Variants in TAOK2 observed in about 807,000 individuals in gnomAD.
TAOK2 encodes the protein TAO kinase 2.
In TAOK2, 42 loss-of-function variants were observed where a neutral mutation model predicts 122.5. The observed-to-expected ratio is 0.34, with a 90% CI of 0.27 to 0.44. The LOEUF (loss-of-function observed/expected upper bound fraction) is 0.44. TAOK2 is among the 20% of genes least tolerant of loss of function. TAOK2 has a pLI of 1.00. For synonymous variants in TAOK2, 704 were observed against 677.6 expected (o/e 1.04, Z -0.61); for missense variants, 1,264 against 1,644.9 (o/e 0.77, Z 4.01).
In TAOK2 at chr16:29,985,393, T is replaced by C. The variant is rs765828326; in HGVS notation, c.1603T>C (p.Phe535Leu). 3.7e-6 allele frequency: 6 copies of C among 1,609,350 alleles called. No homozygotes were observed. In the African/African-American group the frequency reaches 4.0e-5, roughly 11 times the overall value. Residue 535 changes from phenylalanine (F) to leucine (L), a missense_variant, in exon 14 of 16, where the codon TTT becomes CTT. This residue lies in a region of TAOK2 where 64 missense variants were observed against 115.7 expected (regional missense o/e 0.55). Coordinates refer to ENST00000308893, the MANE Select transcript of TAOK2 (RefSeq NM_016151.4). The surrounding 1 kb of genome is among the most constrained non-coding windows in gnomAD (Gnocchi z 6.9). ...QRELEAQRAG[F>L]GAEAEKLARR... ...GGAGCTTGAGGCGCAGCGGGCTGGC[T>C]TTGGGGCAGAGGCAGAAAAGCTGGC...
chr16:29,981,401 G>C lies in TAOK2; in HGVS notation c.656-260G>C. 3 of 602,986 alleles carry C rather than the reference G, an allele frequency of 5.0e-6. No homozygotes were observed. In the East Asian group the frequency reaches 8.3e-5, roughly 17 times the overall value. 37.4% of individuals were successfully genotyped at this position (602,986 alleles called of 1,614,324 possible). On this transcript the variant is annotated intron_variant, in intron 8 of 15. Transcript: ENST00000308893. ...TAGTTGGGGTGATAACTGAATGGCT[G>C]TCCTTCTGCCTTCGTTACTGCTTTT...
At chr16:29,989,812 C>A (rs1327366208), downstream of TAOK2, 4 of 1,612,488 alleles carry the variant, frequency 2.5e-6, no homozygotes, top group African/African-American at 5.3e-5. Flanking sequence ...GGCGGTGAGG[C>A]CTGGGGTCCA....
rs765912677 is a variant in TAOK2 at position 29,986,694 on chromosome 16, A to C, written c.2422A>C (p.Thr808Pro). The stretch of plus-strand genomic sequence containing the variant: ...AAGGATTCTGGGAAAGGAAGGGGCC[A>C]CTTTGGAGCCCAAGCAGCAGAGGAT... Reference protein sequence around the residue: ...ERRILGKEGATLEPKQQRILG... With the variant: ...ERRILGKEGAPLEPKQQRILG... The change falls in exon 16 of 16, where the codon ACT becomes CCT. Residue 808 changes from threonine (T) to proline (P), a missense_variant. Around this residue, in one of 4 missense-constraint regions of TAOK2, gnomAD observed 824 missense variants for 908.7 expected, o/e 0.91. Transcript: ENST00000308893. The surrounding 1 kb of genome is among the most constrained non-coding windows in gnomAD (Gnocchi z 4.2). 3.1e-6 allele frequency: 5 copies of C among 1,613,816 alleles called. No individual in the cohort carries two copies. Among genetic ancestry groups the C allele is most frequent in the Non-Finnish European group, 3.4e-6 (4 of 1,179,884 alleles).
At position 29,985,421 on chromosome 16, in the gene TAOK2, G is replaced by A. The variant is rs771339219; in HGVS notation, c.1631G>A (p.Arg544Gln). 24 of 1,608,474 alleles carry A rather than the reference G, an allele frequency of 1.5e-5. No individual in the cohort carries two copies. The highest frequency in any genetic ancestry group is 2.2e-5 in the South Asian group (2 of 90,610). The change falls in exon 14 of 16, where the codon CGG becomes CAG. Residue 544 changes from arginine (R) to glutamine (Q), a missense_variant. Physicochemically the swap from Arg to Gln is conservative, Grantham distance 43. Around this residue, in one of 4 missense-constraint regions of TAOK2, gnomAD observed 64 missense variants for 115.7 expected, o/e 0.55. Transcript: ENST00000308893. The surrounding 1 kb of genome is among the most constrained non-coding windows in gnomAD (Gnocchi z 6.9). ...GFGAEAEKLA[R>Q]RHQAIGEKEA... is the part of the protein sequence containing the mutation. ...GGGGCAGAGGCAGAAAAGCTGGCCC[G>A]GCGGCACCAGGCCATAGGTGAGAAG...
At chr16:29,984,216 C>A (rs973498214) in intron 13 of TAOK2, among the ~76,000 whole-genome samples, 3 of 152,214 alleles carry the variant, frequency 2.0e-5, no homozygotes, top group South Asian at 2.1e-4. Context: ...TCCCAGCCCC[C>A]CTGGGAGGGG....
At position 29,987,438 on chromosome 16, in the gene TAOK2, C is replaced by T; in HGVS notation, c.3166C>T (p.Leu1056=). The change falls in exon 16 of 16, where the codon CTA becomes TTA. Residue 1056 remains leucine, a synonymous_variant. Coordinates refer to ENST00000308893, the MANE Select transcript of TAOK2 (RefSeq NM_016151.4). ...GAAWLLAWPG[L]ALPLVAMAAG... is the part of the protein sequence containing the mutation. ...TGCCTGGCTCTTAGCTTGGCCAGGC[C>T]TAGCTCTACCTCTGGTGGCTATGGC... The T allele has an allele frequency of 6.2e-7, 1 of 1,601,890 alleles. No individual in the cohort carries two copies. Among genetic ancestry groups the T allele is most frequent in the East Asian group, 2.2e-5 (1 of 44,636 alleles).
At chr16:29,980,592 G>A (rs1567240700) in intron 8 of TAOK2, 1 of 152,096 alleles carries the variant, frequency 6.6e-6, no homozygotes. Flanking sequence ...GGTTCGTATT[G>A]GGTCCTCTGC....
At chr16:29,991,128 G>A (rs141884131), downstream of TAOK2, 10 of 1,608,032 alleles carry the variant, frequency 6.2e-6, no homozygotes, top group East Asian at 2.2e-5. The surrounding 1 kb of genome is among the most constrained non-coding windows in gnomAD (Gnocchi z 5.6). Context: ...CCGTGAGATC[G>A]AGGCCTTCGA....
rs1350911264 is a variant in TAOK2 at position 29,981,928 on chromosome 16, G to A, written c.819G>A (p.Glu273=). ...TCCCTCAAGACAGACCAACCTCAGA[G>A]GTTCTCCTGAAGGTGAGGGCCTGCT... ...QKIPQDRPTS[E]VLLKHRFVLR... Residue 273 remains glutamate, a synonymous_variant, in exon 10 of 16, where the codon GAG becomes GAA. Coordinates refer to ENST00000308893, the MANE Select transcript of TAOK2 (RefSeq NM_016151.4). 1.2e-6 allele frequency: 2 copies of A among 1,613,546 alleles called. No individual in the cohort carries two copies. The highest frequency in any genetic ancestry group is 1.7e-6 in the Non-Finnish European group (2 of 1,179,824).
intron 13 of TAOK2, among the ~76,000 whole-genome samples, chr16:29,984,070 C>G (rs1416292865): frequency 1.3e-5 from 2 of 152,196 alleles, no homozygotes; most frequent in Non-Finnish European, 2.9e-5. Context: ...CGGGGGTGCC[C>G]TGTGCTTGGG....
At chr16:29,990,452 C>A (rs938507355), downstream of TAOK2, 2 of 209,814 alleles carry the variant, frequency 9.5e-6, no homozygotes, top group Non-Finnish European at 1.9e-5. Context: ...CCTGTCAGTA[C>A]ACCTGTCTCA....
Position 29,983,263 on chromosome 16 carries a change from G to C in TAOK2, c.1191G>C (p.Arg397=). ...EEEEEEGPEA[R]EMAMMQEGEH... ...AGGAGGAAGAAGGCCCTGAAGCCCGGGAGATGGCCATGATGCAGGAGGGGG... is the reference window on the plus strand; with the variant it reads ...AGGAGGAAGAAGGCCCTGAAGCCCGCGAGATGGCCATGATGCAGGAGGGGG... Residue 397 remains arginine (R), a synonymous_variant, in exon 12 of 16, where the codon CGG becomes CGC. Transcript: ENST00000308893. The C allele has an allele frequency of 6.2e-7, 1 of 1,608,160 alleles. No individual in the cohort carries two copies. The highest frequency in any genetic ancestry group is 8.5e-7 in the Non-Finnish European group (1 of 1,179,932).
downstream of TAOK2, chr16:29,989,546 C>A (rs372323337): frequency 6.2e-7 from 1 of 1,609,484 alleles, no homozygotes; most frequent in East Asian, 2.2e-5. Context: ...TCTTCCTCCT[C>A]CTCTTCCCCG....
rs1158375732 is a variant in TAOK2, at chr16:29,986,196, C to T, written c.1993-69C>T. ...TTCCGCCATCCCCAGCTCCCTCTGC[C>T]AAGGAGCCCTGGCCTCTCACTTCCT... On this transcript the variant is annotated intron_variant, in intron 15 of 15. Transcript: ENST00000308893. This position sits in a 1 kb window ranked among gnomAD's most constrained non-coding sequence, Gnocchi z 4.2. The T allele has an allele frequency of 6.7e-7, 1 of 1,501,126 alleles. No individual in the cohort carries two copies. Among genetic ancestry groups the T allele is most frequent in the Non-Finnish European group, 8.9e-7 (1 of 1,126,654 alleles). 93.0% of individuals were successfully genotyped at this position (1,501,126 alleles called of 1,614,324 possible).
downstream of TAOK2, chr16:29,990,494 T>C: frequency 3.8e-6 from 1 of 261,288 alleles, no homozygotes. Flanking sequence ...TTCCATGGTA[T>C]GGCTGTACCA....
At chr16:29,988,605 A>T (rs911958924), downstream of TAOK2, 1 of 985,308 alleles carries the variant, frequency 1.0e-6, no homozygotes, top group Non-Finnish European at 1.2e-6. Context: ...GCCCCTGTAG[A>T]ACTTCACCGA....
At position 29,981,846 on chromosome 16, in the gene TAOK2, CT is replaced by C; in HGVS notation, c.750-12del. 1.2e-6 allele frequency: 2 copies of C among 1,613,580 alleles called. No individual in the cohort carries two copies. The highest frequency in any genetic ancestry group is 1.7e-6 in the Non-Finnish European group (2 of 1,179,510). The stretch of plus-strand genomic sequence containing the variant: ...CCTTCCCCACCCCTCTCCCACCCTC[CT>C]GTGACTTTCAGGTCTGAGTACTTCC... On this transcript the variant is annotated splice_polypyrimidine_tract_variant and intron_variant, in intron 9 of 15. Coordinates refer to ENST00000308893, the MANE Select transcript of TAOK2 (RefSeq NM_016151.4).
At chr16:29,977,380 C>T (rs1002576233) in intron 1 of TAOK2, among the ~76,000 whole-genome samples, 2 of 152,158 alleles carry the variant, frequency 1.3e-5, no homozygotes, top group Non-Finnish European at 2.9e-5. Flanking sequence ...GGACAGGACA[C>T]TTGGGGCTCT....
Position 29,986,950 on chromosome 16 carries a change from C to T in TAOK2, c.2678C>T (p.Pro893Leu). ...EEFELGWVQG[P>L]ALTPVPEEEE... ...TTTGAGCTTGGCTGGGTCCAGGGCC[C>T]AGCACTGACTCCCGTCCCTGAGGAG... The change falls in exon 16 of 16, where the codon CCA (proline) becomes CTA (leucine). Residue 893 changes from proline (P) to leucine (L), a missense_variant. Coordinates refer to ENST00000308893, the MANE Select transcript of TAOK2 (RefSeq NM_016151.4). The surrounding 1 kb of genome is among the most constrained non-coding windows in gnomAD (Gnocchi z 4.2). The T allele has an allele frequency of 6.2e-7, 1 of 1,613,940 alleles. No individual in the cohort carries two copies. Among genetic ancestry groups the T allele is most frequent in the Non-Finnish European group, 8.5e-7 (1 of 1,179,902 alleles).
Sources: allele counts gnomAD v4.1 joint callset (sites outside exome capture counted in the v4.1 genomes callset), GRCh38; gene constraint gnomAD v4.1.1; regional missense constraint gnomAD v4.1.1; non-coding constraint Gnocchi (gnomAD v3.1); transcripts MANE v1.5; gene names NCBI Gene and HGNC (gene_info 2026-07-23, HGNC 2026-07-21).